The following VPS9D1 variants were observed in gnomAD, a reference collection of about 807,000 sequenced individuals.
VPS9D1 encodes the protein VPS9 domain-containing protein 1.
A neutral mutation model predicts 75.8 loss-of-function variants in VPS9D1; 78 were observed. The observed-to-expected ratio is 1.03, with a 90% CI of 0.86 to 1.24. The LOEUF is 1.24. Among genes scored for constraint, VPS9D1 ranks in the 50% most tolerant of loss-of-function variants. The probability of loss-of-function intolerance (pLI) is 0.00; values close to 1 mark genes in which losing one functional copy is unlikely to be tolerated. For missense variants in VPS9D1, 1,057 were observed against 847.7 expected (o/e 1.25, Z -3.07); for synonymous variants, 481 against 385.6 (o/e 1.25, Z -2.90).
In VPS9D1 at chr16:89,711,003, C is replaced by G; in HGVS notation, c.841G>C (p.Asp281His). ...SLVSHLLSLP[D>H]HPIAQLLRRL... ...CTCAGGAGCTGCGCGATCGGGTGGT[C>G]GGGGAGGCTGCGGGAGAAGAGGACG... The change falls in exon 10 of 15, where the codon GAC (aspartate) becomes CAC (histidine). Residue 281 changes from aspartate to histidine, a missense_variant. Physicochemically the swap from Asp to His is moderately conservative, Grantham distance 81 (BLOSUM62 -1). Transcript: ENST00000389386. 7.0e-7 allele frequency: 1 copy of G among 1,438,146 alleles called. No homozygotes were observed. Among genetic ancestry groups the G allele is most frequent in the Admixed American group, 2.8e-5 (1 of 35,502 alleles). The allele number at this position is 1,438,146 out of a possible 1,614,324, so 89.1% of individuals were successfully genotyped here.
intron 2 of VPS9D1, 67 bp downstream of exon 2, chr16:89,718,960 C>A (rs1318013535): frequency 2.8e-6 from 4 of 1,404,166 alleles, no homozygotes; most frequent in South Asian, 2.4e-5. Context: ...GGTGATAGCC[C>A]GCCTCTGCCT....
chr16:89,714,457 G>C (rs1421764306), intron 4 of VPS9D1, among the ~76,000 whole-genome samples: 2 of 152,188 alleles, frequency 1.3e-5, no homozygotes, highest in Non-Finnish European at 2.9e-5. Context: ...ACTCCACCTT[G>C]AAAGCTTTGT....
intron 4 of VPS9D1, among the ~76,000 whole-genome samples, chr16:89,714,721 G>A (rs1313155975): frequency 6.6e-6 from 1 of 152,078 alleles, no homozygotes; most frequent in Non-Finnish European, 1.5e-5. Context: ...TTCTAATAAT[G>A]CCTCTCTCCC....
intron 7 of VPS9D1, 37 bp from the exon 8 acceptor site, chr16:89,712,006 G>GC: frequency 6.5e-7 from 1 of 1,549,404 alleles, no homozygotes; most frequent in Non-Finnish European, 8.7e-7. Flanking sequence ...CCGGGGCCAG[G>GC]CCCTCCCCGC....
chr16:89,707,868 G>C lies in VPS9D1; in HGVS notation c.1889C>G (p.Ala630Gly). The part of the protein sequence containing the change: ...YVELLPRGGL[A>G]K ...CCCTGGGCTCTAGCTGTACTACTTG[G>C]CCAGGCCTCCCCGGGGCAGCAGCTC... The change falls in exon 15 of 15, where the codon GCC becomes GGC. Residue 630 changes from alanine to glycine, a missense_variant. Transcript: ENST00000389386. 1.9e-6 allele frequency: 3 copies of C among 1,613,048 alleles called. No homozygotes were observed. The highest frequency in any genetic ancestry group is 2.5e-6 in the Non-Finnish European group (3 of 1,179,930).
Position 89,709,773 on chromosome 16 carries a change from A to AT in VPS9D1, c.1388+3dup. The AT allele has an allele frequency of 6.2e-7, 1 of 1,613,602 alleles. No homozygotes were observed. The highest frequency in any genetic ancestry group is 1.3e-5 in the African/African-American group (1 of 75,026). On this transcript the variant is annotated splice_donor_region_variant and intron_variant, in intron 11 of 14. Transcript: ENST00000389386. Reference sequence around the variant, plus strand: ...CGCAGGTGGTTGTACAGCTGGGTCCATACCTGTACAGGGCCAGCAGCAGAG... The same window carrying AT: ...CGCAGGTGGTTGTACAGCTGGGTCCATTACCTGTACAGGGCCAGCAGCAGAG...
Position 89,707,636 on chromosome 16 carries a change from C to T in VPS9D1, c.*225G>A. 1 of 535,162 alleles carries T rather than the reference C, an allele frequency of 1.9e-6. No homozygotes were observed. The highest frequency in any genetic ancestry group is 3.4e-6 in the Non-Finnish European group (1 of 297,376). The allele number at this position is 535,162 out of a possible 1,614,324, so 33.2% of individuals were successfully genotyped here. On this transcript the variant is annotated 3_prime_UTR_variant, in exon 15 of 15. Transcript: ENST00000389386. Reference sequence around the variant, plus strand: ...CTGGTTCCTCCTGGAGCTGATTCAGCCCCATTCTGTCGGGGCAGAGGTGCC... The same window carrying T: ...CTGGTTCCTCCTGGAGCTGATTCAGTCCCATTCTGTCGGGGCAGAGGTGCC...
intron 4 of VPS9D1, among the ~76,000 whole-genome samples, chr16:89,714,744 C>CT (rs1353714732): frequency 1.3e-5 from 2 of 151,592 alleles, no homozygotes; most frequent in African/African-American, 4.8e-5. Flanking sequence ...TTTCTTTCTT[C>CT]TTTTTTTTTG....
At chr16:89,710,011 G>T in intron 10 of VPS9D1, 105 bp from the exon 11 acceptor site, 1 of 1,467,182 alleles carries the variant, frequency 6.8e-7, no homozygotes, top group Non-Finnish European at 9.1e-7. Flanking sequence ...TCTTTCCACC[G>T]CCTTCAAGCC....
intron 6 of VPS9D1, 172 bp from the exon 7 acceptor site, chr16:89,712,271 G>T: frequency 7.6e-7 from 1 of 1,315,908 alleles, no homozygotes; most frequent in Non-Finnish European, 1.0e-6. Context: ...CAGGAGGGCC[G>T]GGCCAGAGAA....
rs1025391215 is a variant in VPS9D1 at position 89,712,705 on chromosome 16, G to A, written c.443C>T (p.Pro148Leu). The A allele has an allele frequency of 6.2e-7, 1 of 1,604,740 alleles. No individual in the cohort carries two copies. The highest frequency in any genetic ancestry group is 1.3e-5 in the African/African-American group (1 of 74,198). Residue 148 changes from proline to leucine, a missense_variant, in exon 5 of 15, where the codon CCA becomes CTA. Pro to Leu is a moderately conservative substitution (Grantham distance 98, BLOSUM62 -3). Coordinates refer to ENST00000389386, the MANE Select transcript of VPS9D1 (RefSeq NM_004913.3). Reference sequence around the variant, plus strand: ...ATTCTGCAGGGAGGCCTCCTCCAGTGGCGTCAGCTCTCTGGAAATGTGACA... The same window carrying A: ...ATTCTGCAGGGAGGCCTCCTCCAGTAGCGTCAGCTCTCTGGAAATGTGACA... ...ESQSCKKELT[P>L]LEEASLQNQK...
rs766832779 is a variant in VPS9D1, at chr16:89,719,010, G to T, written c.175+17C>A. 2 of 1,609,142 alleles carry T rather than the reference G, an allele frequency of 1.2e-6. No homozygotes were observed. The highest frequency in any genetic ancestry group is 1.7e-6 in the Non-Finnish European group (2 of 1,176,868). On this transcript the variant is annotated intron_variant, in intron 2 of 14. Coordinates refer to ENST00000389386, the MANE Select transcript of VPS9D1 (RefSeq NM_004913.3). ...ATTACAGGCGTGAGCCACCGCGCCC[G>T]GCTGGCTGAGCCGTACCTTTAGTGG... is the stretch of plus-strand genomic sequence containing the variant.
chr16:89,711,077 G>C (rs1486740045), intron 9 of VPS9D1, 67 bp from the exon 10 acceptor site: 2 of 1,400,978 alleles, frequency 1.4e-6, no homozygotes, highest in East Asian at 2.5e-5. Context: ...CAGGTGCCGC[G>C]CTATGCCCGG....
chr16:89,714,309 T>G (rs1395131045), intron 4 of VPS9D1, among the ~76,000 whole-genome samples: 21 of 152,138 alleles, frequency 1.4e-4, no homozygotes, highest in Non-Finnish European at 1.5e-5. Context: ...CCAAGACAAT[T>G]CTTCCAGTGT....
At chr16:89,709,019 T>TCCCCCC in intron 12 of VPS9D1, 63 bp from the exon 13 acceptor site, 1 of 1,290,646 alleles carries the variant, frequency 7.7e-7, no homozygotes. Context: ...CCACCCCTTA[T>TCCCCCC]ACCCCGCCCA....
At chr16:89,711,686 C>T in intron 8 of VPS9D1, 196 bp downstream of exon 8, 1 of 738,930 alleles carries the variant, frequency 1.4e-6, no homozygotes, top group Admixed American at 3.0e-5. Flanking sequence ...CCTGACCTCG[C>T]CTCCTCGCTC....
In VPS9D1 at chr16:89,710,895, T is replaced by A. The variant is rs1388881718; in HGVS notation, c.949A>T (p.Thr317Ser). The A allele has an allele frequency of 6.1e-6, 9 of 1,482,560 alleles. No homozygotes were observed. Among genetic ancestry groups the A allele is most frequent in the Admixed American group, 2.2e-5 (1 of 45,468 alleles). 91.8% of individuals were successfully genotyped at this position (1,482,560 alleles called of 1,614,324 possible). A position where few individuals can be genotyped will look rare whatever the true frequency, so the allele number is the denominator to read the frequency against. ...AGCCGTCGGCTTCCGGGGTTGGGGG[T>A]CGGGGGGCAGCAGCCTGGGGCTGGC... ...AAPAPGCCPPTPNPGSRRLRP... is the reference protein window; with the variant it reads ...AAPAPGCCPPSPNPGSRRLRP... Residue 317 changes from threonine (T) to serine (S), a missense_variant, in exon 10 of 15, where the codon ACC becomes TCC. Transcript: ENST00000389386.
intron 13 of VPS9D1, 142 bp downstream of exon 13, chr16:89,708,715 G>C: frequency 1.8e-6 from 2 of 1,125,546 alleles, no homozygotes; most frequent in Non-Finnish European, 2.5e-6. Flanking sequence ...TGCGGAGCCA[G>C]GGCTGGGCCC....
chr16:89,707,937 T>C lies in VPS9D1; in HGVS notation c.1820A>G (p.Glu607Gly). ...CTGCAGTGATGTGAGGCAGTAGCCC[T>C]CCTCTCCGATCAGGTACCTGCATGG... ...FIHEGYLIGE[E>G]GYCLTSLQSA... The change falls in exon 15 of 15, where the codon GAG becomes GGG. Residue 607 changes from glutamate to glycine, a missense_variant. Coordinates refer to ENST00000389386, the MANE Select transcript of VPS9D1 (RefSeq NM_004913.3). The C allele has an allele frequency of 1.2e-6, 2 of 1,612,918 alleles. No homozygotes were observed. Among genetic ancestry groups the C allele is most frequent in the Non-Finnish European group, 1.7e-6 (2 of 1,179,922 alleles).
Sources: gnomAD v4.1 joint callset for allele counts (sites outside exome capture counted in the v4.1 genomes callset) on GRCh38, gnomAD v4.1.1 for gene constraint, MANE v1.5 for transcripts, NCBI Gene and HGNC (gene_info 2026-07-23, HGNC 2026-07-21) for gene names.